PDZD2: variants seen among roughly 807,000 people sequenced by gnomAD.
PDZD2 encodes PDZ domain containing 2, also known as PDZ domain-containing protein 2.
Under a neutral mutation model 220.7 loss-of-function variants are expected in PDZD2, and 90 were observed. That is an observed-to-expected ratio of 0.41 (90% CI 0.34 to 0.49). The LOEUF (loss-of-function observed/expected upper bound fraction) is 0.49. PDZD2 is among the 20% of genes least tolerant of loss of function. The pLI is 0.28. For synonymous variants in PDZD2, 1,375 were observed against 1,450.5 expected (o/e 0.95, Z 1.18); for missense variants, 3,174 against 3,608.5 (o/e 0.88, Z 3.08).
At chr5:32,015,659 G>A (rs1252378037) in intron 6 of PDZD2, among the ~76,000 whole-genome samples, 1 of 152,166 alleles carries the variant, frequency 6.6e-6, no homozygotes, top group Non-Finnish European at 1.5e-5. Context: ...TTCAAAAAAG[G>A]TTTGTGTCCT....
chr5:32,058,572 G>A (rs1039127030), intron 12 of PDZD2, among the ~76,000 whole-genome samples: 3 of 151,290 alleles, frequency 2.0e-5, no homozygotes, highest in Admixed American at 1.3e-4. Flanking sequence ...TACTCGGGAG[G>A]CTGAGGCAAG....
intron 1 of PDZD2, among the ~76,000 whole-genome samples, chr5:31,673,745 T>C (rs1013896137): frequency 6.6e-6 from 1 of 151,998 alleles, no homozygotes; most frequent in Admixed American, 6.5e-5. Context: ...CAGAGGCAGG[T>C]GGATCATCTG....
At chr5:31,878,807 T>C (rs1331537895) in intron 2 of PDZD2, among the ~76,000 whole-genome samples, 4 of 151,458 alleles carry the variant, frequency 2.6e-5, no homozygotes, top group African/African-American at 4.8e-5. Flanking sequence ...GTGATCCGCC[T>C]GCCTCGGCCT....
intron 5 of PDZD2, among the ~76,000 whole-genome samples, chr5:32,003,329 C>A (rs1347872402): frequency 3.1e-3 from 77 of 24,632 alleles, no homozygotes; most frequent in Non-Finnish European, 6.6e-3. Context: ...ACACACACAC[C>A]CCCACCACAC....
chr5:31,747,654 G>A lies in PDZD2; in HGVS notation c.-360-51235G>A, dbSNP rs181086888. On this transcript the variant is annotated intron_variant, in intron 1 of 24. Transcript: ENST00000438447. ...GCTTGGGGGCTCTGGCCAGCTTCCCGGGCATGTCCAACACTGACTTCTGCT... is the reference window on the plus strand; with the variant it reads ...GCTTGGGGGCTCTGGCCAGCTTCCCAGGCATGTCCAACACTGACTTCTGCT... 104 of 152,376 alleles carry A rather than the reference G, an allele frequency of 6.8e-4. 1 individual carries two copies. The highest frequency in any genetic ancestry group is 4.6e-3 in the South Asian group (22 of 4,814). The allele number at this position is 152,376 out of a possible 1,614,324, so 9.4% of individuals were successfully genotyped here.
chr5:31,707,635 A>G (rs1238135602), intron 1 of PDZD2, among the ~76,000 whole-genome samples: 21 of 146,170 alleles, frequency 1.4e-4, no homozygotes, highest in Admixed American at 1.4e-3. Context: ...GCAAAAGTGA[A>G]CTTGCTTTTT....
Position 32,057,756 on chromosome 5 carries a change from A to G in PDZD2, c.1974+28A>G, listed in dbSNP as rs1450016660. 4.7e-6 allele frequency: 7 copies of G among 1,481,500 alleles called. No homozygotes were observed. The Admixed American group carries it at 8.7e-5, about 18-fold the overall frequency. 91.8% of individuals were successfully genotyped at this position (1,481,500 alleles called of 1,614,324 possible). A position where few individuals can be genotyped will look rare whatever the true frequency, so the allele number is the denominator to read the frequency against. ...AACAACATTCTTATTGATCTCCTTT[A>G]TCCTATTTTCCTTTCTTTATTTCCT... On this transcript the variant is annotated intron_variant, in intron 11 of 24. Coordinates refer to ENST00000438447, the MANE Select transcript of PDZD2 (RefSeq NM_178140.4).
intron 1 of PDZD2, among the ~76,000 whole-genome samples, chr5:31,647,985 G>A (rs545534324): frequency 5.3e-5 from 8 of 152,262 alleles, no homozygotes; most frequent in Admixed American, 3.9e-4. Context: ...GATTGTTCAC[G>A]GTATGAATGG....
rs1354075965 is a variant in PDZD2, at chr5:31,646,444, A to G, written c.-361+7007A>G. On this transcript the variant is annotated intron_variant, in intron 1 of 24. Coordinates refer to ENST00000438447, the MANE Select transcript of PDZD2 (RefSeq NM_178140.4). The surrounding 1 kb of genome is among the most constrained non-coding windows in gnomAD (Gnocchi z 4.7). Reference sequence around the variant, plus strand: ...TGCTTATGTTTGCTTGCAGGTGATCAAATGGAATCATACACTCTCTCCAAG... The same window carrying G: ...TGCTTATGTTTGCTTGCAGGTGATCGAATGGAATCATACACTCTCTCCAAG... Among the ~76,000 whole-genome samples the G allele has an allele frequency of 6.6e-6, 1 of 152,188 alleles. No homozygotes were observed. The highest frequency in any genetic ancestry group is 1.5e-5 in the Non-Finnish European group (1 of 68,040).
At chr5:31,880,826 AGTCTC>A (rs2150336059) in intron 2 of PDZD2, among the ~76,000 whole-genome samples, 1 of 44,998 alleles carries the variant, frequency 2.2e-5, no homozygotes, top group East Asian at 4.1e-4. Flanking sequence ...TTTGAGATGA[AGTCTC>A]GCTCTTGTCA....
intron 4 of PDZD2, among the ~76,000 whole-genome samples, chr5:31,997,733 G>A (rs563783071): frequency 6.6e-6 from 1 of 152,298 alleles, no homozygotes; most frequent in East Asian, 1.9e-4. Context: ...GGAGTTGTGT[G>A]TGTGTGTCTC....
intron 1 of PDZD2, among the ~76,000 whole-genome samples, chr5:31,684,376 C>G (rs1397090777): frequency 6.6e-6 from 1 of 152,184 alleles, no homozygotes; most frequent in Non-Finnish European, 1.5e-5. Flanking sequence ...TTCTCCACTT[C>G]TAAGCCATCA....
chr5:32,092,364 G>A (rs1026455790), intron 20 of PDZD2, among the ~76,000 whole-genome samples: 1 of 151,398 alleles, frequency 6.6e-6, no homozygotes, highest in Non-Finnish European at 1.5e-5. Flanking sequence ...CTTGAGGTCA[G>A]GAGTTCAAGA....
intron 2 of PDZD2, among the ~76,000 whole-genome samples, chr5:31,810,232 T>A (rs1755011276): frequency 7.7e-6 from 1 of 129,522 alleles, no homozygotes; most frequent in African/African-American, 2.9e-5. Flanking sequence ...CCATATGCCC[T>A]CAAAATGACT....
In PDZD2 at chr5:31,796,990, A is replaced by C. The variant is rs577692498; in HGVS notation, c.-360-1899A>C. 8.8e-5 allele frequency among the ~76,000 whole-genome samples: 13 copies of C among 147,836 alleles called. No individual in the cohort carries two copies. In the East Asian group the frequency reaches 2.6e-3, roughly 30 times the overall value. On this transcript the variant is annotated intron_variant, in intron 1 of 24. Transcript: ENST00000438447. ...TCGCCCAGGCTGGAGTGCAGTGGCG[A>C]GATCTCGGCTCACTGCAAGCTCCGC...
chr5:31,906,917 A>G (rs996788353), intron 2 of PDZD2, among the ~76,000 whole-genome samples: 6 of 152,230 alleles, frequency 3.9e-5, no homozygotes, highest in Non-Finnish European at 1.5e-5. Context: ...CCACCTTTGG[A>G]TGGGCTCATA....
At chr5:32,019,282 C>T (rs898299814) in intron 6 of PDZD2, among the ~76,000 whole-genome samples, 11 of 151,718 alleles carry the variant, frequency 7.3e-5, no homozygotes, top group African/African-American at 1.5e-4. Context: ...GCTAGGATTA[C>T]AGTTGCATGC....
intron 1 of PDZD2, among the ~76,000 whole-genome samples, chr5:31,660,895 T>TTTTTG (rs1268267269): frequency 6.6e-6 from 1 of 152,102 alleles, no homozygotes; most frequent in South Asian, 2.1e-4. Context: ...CCCAGTGAAT[T>TTTTTG]TTTTGTTTTG....
chr5:31,704,164 T>A (rs1397178219), intron 1 of PDZD2, among the ~76,000 whole-genome samples: 2 of 152,054 alleles, frequency 1.3e-5, no homozygotes, highest in Non-Finnish European at 2.9e-5. Flanking sequence ...AGGAATGCAC[T>A]GTCATGTCCA....
Sources: allele counts gnomAD v4.1 joint callset (sites outside exome capture counted in the v4.1 genomes callset), GRCh38; gene constraint gnomAD v4.1.1; non-coding constraint Gnocchi (gnomAD v3.1); transcripts MANE v1.5; gene names NCBI Gene and HGNC (gene_info 2026-07-23, HGNC 2026-07-21).